Variants in CDH4 observed in about 807,000 individuals in gnomAD.
CDH4 encodes the protein cadherin-4.
Under a neutral mutation model 86.0 loss-of-function variants are expected in CDH4, and 33 were observed. That is an observed-to-expected ratio of 0.38 (90% CI 0.29 to 0.51). The LOEUF (loss-of-function observed/expected upper bound fraction) is 0.51. CDH4 is among the 20% of genes least tolerant of loss of function. CDH4 has a pLI of 0.86. For missense variants in CDH4, 1,114 were observed against 1,307.4 expected (o/e 0.85, Z 2.28); for synonymous variants, 555 against 549.4 (o/e 1.01, Z -0.14).
chr20:61,498,550 A>G (rs542499936), intron 2 of CDH4, among the ~76,000 whole-genome samples: 73 of 152,334 alleles, frequency 4.8e-4, no homozygotes, highest in African/African-American at 1.7e-3. Context: ...CTCCAGGATC[A>G]CATAGTGACC....
intron 6 of CDH4, among the ~76,000 whole-genome samples, chr20:61,862,697 A>G (rs988755341): frequency 6.6e-6 from 1 of 152,200 alleles, no homozygotes; most frequent in African/African-American, 2.4e-5. Flanking sequence ...CATTTCTCAA[A>G]GTGCCCAGGG....
At chr20:61,332,672 C>G (rs2084589104) in intron 2 of CDH4, among the ~76,000 whole-genome samples, 1 of 152,238 alleles carries the variant, frequency 6.6e-6, no homozygotes, top group South Asian at 2.1e-4. Context: ...AGTTTAGAGA[C>G]TTCTGGCTGG....
At chr20:61,594,798 C>T (rs904296287) in intron 2 of CDH4, among the ~76,000 whole-genome samples, 8 of 152,218 alleles carry the variant, frequency 5.3e-5, no homozygotes, top group African/African-American at 1.9e-4. Context: ...ATCAAGACAT[C>T]TTCGCTGACC....
At chr20:61,748,225 C>A (rs556002390) in intron 3 of CDH4, among the ~76,000 whole-genome samples, 6 of 152,286 alleles carry the variant, frequency 3.9e-5, no homozygotes, top group African/African-American at 1.4e-4. Context: ...CTCCACCTCC[C>A]GGGTTTAAGT....
intron 2 of CDH4, among the ~76,000 whole-genome samples, chr20:61,401,652 C>A (rs1433981070): frequency 5.3e-5 from 8 of 152,176 alleles, no homozygotes; most frequent in African/African-American, 1.9e-4. Flanking sequence ...CATATCATGA[C>A]CTCTTAGACT....
intron 3 of CDH4, among the ~76,000 whole-genome samples, chr20:61,765,953 G>A (rs1376071413): frequency 6.6e-6 from 1 of 151,996 alleles, no homozygotes; most frequent in Non-Finnish European, 1.5e-5. Flanking sequence ...TTGGCCAGCT[G>A]GACCCTTAGG....
chr20:61,253,528 G>A (rs571595685), intron 1 of CDH4, among the ~76,000 whole-genome samples: 270 of 152,120 alleles, frequency 1.8e-3, no homozygotes, highest in African/African-American at 6.5e-3. Context: ...AGTGCCAGCG[G>A]CGGGAGGCCC....
chr20:61,296,046 G>A (rs2084350156), intron 2 of CDH4, among the ~76,000 whole-genome samples: 1 of 152,148 alleles, frequency 6.6e-6, no homozygotes, highest in Non-Finnish European at 1.5e-5. Context: ...GTTAATGGCC[G>A]AGCCAGGACG....
intron 4 of CDH4, among the ~76,000 whole-genome samples, chr20:61,781,187 G>GGTCT (rs1978521643): frequency 6.6e-6 from 1 of 151,794 alleles, no homozygotes; most frequent in African/African-American, 2.4e-5. Flanking sequence ...ACAGAACCAG[G>GGTCT]GTCTCTACAA....
At chr20:61,434,469 G>A (rs1280367935) in intron 2 of CDH4, among the ~76,000 whole-genome samples, 1 of 152,082 alleles carries the variant, frequency 6.6e-6, no homozygotes, top group African/African-American at 2.4e-5. Flanking sequence ...TCACCGCGGC[G>A]CTCAAAGAAA....
chr20:61,899,883 C>G (rs904127083), intron 8 of CDH4, among the ~76,000 whole-genome samples: 8 of 152,184 alleles, frequency 5.3e-5, no homozygotes, highest in African/African-American at 1.9e-4. Context: ...AGATTTTTCT[C>G]TCAAAGGGGT....
At chr20:61,596,584 C>T (rs968901755) in intron 2 of CDH4, among the ~76,000 whole-genome samples, 62 of 152,308 alleles carry the variant, frequency 4.1e-4, no homozygotes, top group African/African-American at 1.5e-3. Context: ...ATCACCCTGG[C>T]TGTAATAGAA....
rs536554779 is a variant in CDH4 at position 61,515,266 on chromosome 20, G to A, written c.170-228297G>A. Among the ~76,000 whole-genome samples the A allele has an allele frequency of 1.5e-4, 23 of 152,346 alleles. No individual in the cohort carries two copies. The East Asian group carries it at 2.5e-3, about 17-fold the overall frequency. On this transcript the variant is annotated intron_variant, in intron 2 of 15. Transcript: ENST00000614565. ...GACTCCCCTGTGTGGTCACCCTCAC[G>A]ATGTGGCCTGGGAACCTGCGGTGAG...
At chr20:61,934,348 G>A (rs916311252) in intron 15 of CDH4, 128 bp downstream of exon 15, 2 of 1,011,066 alleles carry the variant, frequency 2.0e-6, no homozygotes, top group African/African-American at 1.7e-5. Flanking sequence ...GCTCAGACCC[G>A]GGTTCCAGGC....
intron 2 of CDH4, among the ~76,000 whole-genome samples, chr20:61,720,625 A>AGTGCATGGGTGCAGG (rs71185928): frequency 0.72 from 107,988 of 149,580 alleles, 40,337 homozygotes; most frequent in East Asian, 0.99. Flanking sequence ...AGGGGTGCAG[A>AGTGCATGGGTGCAGG]GTGCCATTCC....
intron 4 of CDH4, among the ~76,000 whole-genome samples, chr20:61,781,783 G>A (rs571116895): frequency 4.9e-4 from 74 of 152,312 alleles, no homozygotes; most frequent in African/African-American, 1.8e-3. Flanking sequence ...ACCCTAGGTA[G>A]GAGAAATACA....
chr20:61,319,494 C>T (rs766962643), intron 2 of CDH4, among the ~76,000 whole-genome samples: 1 of 152,084 alleles, frequency 6.6e-6, no homozygotes, highest in African/African-American at 2.4e-5. Flanking sequence ...GCAATGAGCA[C>T]GGGCATGCGG....
intron 2 of CDH4, among the ~76,000 whole-genome samples, chr20:61,425,389 G>A (rs1568839760): frequency 6.6e-6 from 1 of 152,220 alleles, no homozygotes; most frequent in Non-Finnish European, 1.5e-5. Flanking sequence ...GACAGAGGCA[G>A]CGGTGGAGGG....
chr20:61,673,535 A>G (rs1300588022), intron 2 of CDH4, among the ~76,000 whole-genome samples: 1 of 152,220 alleles, frequency 6.6e-6, no homozygotes, highest in East Asian at 1.9e-4. Context: ...CAGGTCTGAT[A>G]TTCCGTGGGA....
Sources: gnomAD v4.1 joint callset for allele counts (sites outside exome capture counted in the v4.1 genomes callset) on GRCh38, gnomAD v4.1.1 for gene constraint, MANE v1.5 for transcripts, NCBI Gene and HGNC (gene_info 2026-07-23, HGNC 2026-07-21) for gene names.